Variants in AMD1 observed in about 807,000 individuals in gnomAD.
AMD1 encodes adenosylmethionine decarboxylase 1.
In AMD1, 11 loss-of-function variants were observed where a neutral mutation model predicts 40.2. That is an observed-to-expected ratio of 0.27 (90% CI 0.17 to 0.45). The LOEUF is 0.45. Among genes scored for constraint, AMD1 ranks in the 20% least tolerant of loss-of-function variants. AMD1 has a pLI of 1.00. For missense variants in AMD1, 257 were observed against 410.2 expected (o/e 0.63, Z 3.23); for synonymous variants, 121 against 130.8 (o/e 0.93, Z 0.51).
chr6:110,859,068 G>A, the AMD1 span: 4 of 1,273,384 alleles, frequency 3.1e-6, no homozygotes, highest in Non-Finnish European at 4.6e-6. Context: ...CACAGTGGCC[G>A]ACAGGGCTCC....
the AMD1 span, among the ~76,000 whole-genome samples, chr6:110,817,472 G>T: frequency 2.0e-5 from 3 of 152,108 alleles, no homozygotes; most frequent in African/African-American, 7.2e-5. Flanking sequence ...AGCCAGGTGT[G>T]GTAGCATGTG....
the AMD1 span, among the ~76,000 whole-genome samples, chr6:110,818,570 T>G: frequency 6.6e-6 from 1 of 152,116 alleles, no homozygotes; most frequent in Non-Finnish European, 1.5e-5. Flanking sequence ...AGACAGAGTC[T>G]TGCTCTGTCA....
the AMD1 span, chr6:110,815,167 C>T: frequency 6.5e-7 from 1 of 1,535,282 alleles, no homozygotes; most frequent in Non-Finnish European, 8.8e-7. Context: ...GCACGGGACG[C>T]GGGGGCCGCC....
At chr6:110,853,452 C>T in the AMD1 span, among the ~76,000 whole-genome samples, 6 of 151,932 alleles carry the variant, frequency 3.9e-5, no homozygotes, top group Admixed American at 1.3e-4. Context: ...GGACTACAGG[C>T]GCGAGCCACC....
chr6:110,866,733 G>T, the AMD1 span, among the ~76,000 whole-genome samples: 1 of 152,166 alleles, frequency 6.6e-6, no homozygotes, highest in East Asian at 1.9e-4. Context: ...GAAGGGAGGG[G>T]TGTAAGTCAG....
In AMD1 at chr6:110,875,021, C is replaced by G; in HGVS notation, c.-85C>G. The G allele has an allele frequency of 9.5e-7, 1 of 1,053,582 alleles. No homozygotes were observed. Among genetic ancestry groups the G allele is most frequent in the Non-Finnish European group, 1.4e-6 (1 of 699,154 alleles). 65.3% of individuals were successfully genotyped at this position (1,053,582 alleles called of 1,614,324 possible). A position where few individuals can be genotyped will look rare whatever the true frequency, so the allele number is the denominator to read the frequency against. On this transcript the variant is annotated 5_prime_UTR_variant, in exon 1 of 9. The change creates a new upstream start codon in the 5' untranslated region. Coordinates refer to ENST00000368885, the MANE Select transcript of AMD1 (RefSeq NM_001634.6). ...ACTTTAGTAACACAGCTGGAACAAT[C>G]CGCAGCGGCGGCGGCAGCGGCGGGA...
the AMD1 span, among the ~76,000 whole-genome samples, chr6:110,839,868 A>G: frequency 4.1e-4 from 63 of 152,234 alleles, no homozygotes; most frequent in Non-Finnish European, 6.9e-4. Flanking sequence ...TTCGGAAAAG[A>G]ATGTACTTAG....
chr6:110,814,981 A>G, the AMD1 span: 1 of 1,599,126 alleles, frequency 6.3e-7, no homozygotes, highest in South Asian at 1.1e-5. Context: ...GACCCGAGCG[A>G]GCCTACTCCT....
At chr6:110,853,782 C>T in the AMD1 span, among the ~76,000 whole-genome samples, 3 of 152,186 alleles carry the variant, frequency 2.0e-5, no homozygotes, top group African/African-American at 7.2e-5. Context: ...TCAGAACTAA[C>T]AGTTGAAGCT....
At chr6:110,838,144 T>C in the AMD1 span, among the ~76,000 whole-genome samples, 1 of 151,006 alleles carries the variant, frequency 6.6e-6, no homozygotes, top group African/African-American at 2.4e-5. Context: ...ATCCTAGCAC[T>C]TTGGGAGGCC....
At chr6:110,892,035 C>T in intron 4 of AMD1, 126 bp from the exon 5 acceptor site, 1 of 1,130,944 alleles carries the variant, frequency 8.8e-7, no homozygotes, top group East Asian at 2.3e-5. Flanking sequence ...TATGCCCAGT[C>T]CACTGATGGA....
the AMD1 span, among the ~76,000 whole-genome samples, chr6:110,839,685 C>CT: frequency 3.3e-5 from 5 of 151,906 alleles, no homozygotes; most frequent in African/African-American, 7.2e-5. Context: ...TTTAATTTTC[C>CT]TTTTTTTTAG....
At chr6:110,878,437 A>G (rs1158068708) in intron 1 of AMD1, among the ~76,000 whole-genome samples, 1 of 152,202 alleles carries the variant, frequency 6.6e-6, no homozygotes, top group Non-Finnish European at 1.5e-5. Flanking sequence ...TGAACAAATT[A>G]TGTAATACTG....
At chr6:110,887,474 G>C in intron 1 of AMD1, 31 bp from the exon 2 acceptor site, 1 of 1,537,014 alleles carries the variant, frequency 6.5e-7, no homozygotes, top group Non-Finnish European at 8.9e-7. Context: ...TACTATTGTG[G>C]ATTAATCGTA....
chr6:110,884,966 C>G (rs929076368), intron 1 of AMD1, among the ~76,000 whole-genome samples: 1 of 152,148 alleles, frequency 6.6e-6, no homozygotes, highest in Admixed American at 6.5e-5. Context: ...CTTTAAAAAT[C>G]TGAAATTGTA....
chr6:110,860,708 T>C, the AMD1 span, among the ~76,000 whole-genome samples: 1 of 151,546 alleles, frequency 6.6e-6, no homozygotes, highest in Admixed American at 6.6e-5. Flanking sequence ...GCTGAGGTAG[T>C]AGAATCCCTT....
At chr6:110,857,818 A>G in the AMD1 span, among the ~76,000 whole-genome samples, 1 of 149,210 alleles carries the variant, frequency 6.7e-6, no homozygotes, top group African/African-American at 2.5e-5. Flanking sequence ...GTATATATAT[A>G]CATATATATC....
chr6:110,852,244 A>G, the AMD1 span, among the ~76,000 whole-genome samples: 1 of 93,680 alleles, frequency 1.1e-5, no homozygotes, highest in African/African-American at 4.2e-5. Flanking sequence ...TTTTTTGAGA[A>G]GGAGTCTCTC....
At chr6:110,829,560 T>A in the AMD1 span, among the ~76,000 whole-genome samples, 2 of 151,946 alleles carry the variant, frequency 1.3e-5, no homozygotes, top group South Asian at 4.2e-4. Context: ...TCCCAGCTAC[T>A]CGGGAGGCTG....
Sources: allele counts gnomAD v4.1 joint callset (sites outside exome capture counted in the v4.1 genomes callset), GRCh38; gene constraint gnomAD v4.1.1; transcripts MANE v1.5; gene names NCBI Gene and HGNC (gene_info 2026-07-23, HGNC 2026-07-21).